Variants in XIRP2 observed in about 807,000 individuals in gnomAD.
The protein encoded by XIRP2 is xin actin-binding repeat-containing protein 2.
In XIRP2, 236 loss-of-function variants were observed where a neutral mutation model predicts 277.0. The ratio of observed to expected loss-of-function variants is 0.85; its 90% CI spans 0.77 to 0.95. The LOEUF (loss-of-function observed/expected upper bound fraction) is 0.95, where lower values mean the gene tolerates loss of function less well. Among genes scored for constraint, XIRP2 ranks in the 40% least tolerant of loss-of-function variants. XIRP2 has a pLI of 0.00. For synonymous variants in XIRP2, 1,490 were observed against 1,416.5 expected (o/e 1.05, Z -1.17); for missense variants, 4,640 against 4,157.5 (o/e 1.12, Z -3.19).
At chr2:167,041,412 A>G (rs540867635) in intron 2 of XIRP2, among the ~76,000 whole-genome samples, 2 of 152,302 alleles carry the variant, frequency 1.3e-5, no homozygotes, top group South Asian at 2.1e-4. Flanking sequence ...AACCCAATCC[A>G]TGAAACCTAA....
chr2:167,164,865 G>T (rs556071461), intron 3 of XIRP2, among the ~76,000 whole-genome samples: 1 of 152,032 alleles, frequency 6.6e-6, no homozygotes, highest in South Asian at 2.1e-4. Flanking sequence ...ACCTATGTCC[G>T]TAGATACTGT....
Position 167,025,158 on chromosome 2 carries a change from C to T in XIRP2, c.409-110751C>T, listed in dbSNP as rs1007043548. On this transcript the variant is annotated intron_variant, in intron 2 of 10. Transcript: ENST00000409195. The stretch of plus-strand genomic sequence containing the variant: ...CCTGTTATTGGTCTATTCAGAGATT[C>T]AACTTCTTCCTGGTTTAGTGTTGGG... Among the ~76,000 whole-genome samples the T allele has an allele frequency of 4.6e-5, 7 of 152,240 alleles. No homozygotes were observed. In the South Asian group the frequency reaches 6.2e-4, roughly 14 times the overall value.
At chr2:167,225,563 T>C (rs182076942) in intron 5 of XIRP2, among the ~76,000 whole-genome samples, 2 of 152,168 alleles carry the variant, frequency 1.3e-5, no homozygotes, top group East Asian at 1.9e-4. Flanking sequence ...TTGCTTTTTT[T>C]TCGACACAGG....
intron 2 of XIRP2, among the ~76,000 whole-genome samples, chr2:167,005,097 G>A (rs1362767439): frequency 6.6e-6 from 1 of 151,756 alleles, no homozygotes; most frequent in Non-Finnish European, 1.5e-5. Context: ...GTTCCATGGT[G>A]GGGGTTATCA....
chr2:167,087,486 G>A (rs557733224), intron 2 of XIRP2, among the ~76,000 whole-genome samples: 17 of 152,274 alleles, frequency 1.1e-4, no homozygotes, highest in East Asian at 7.7e-4. Flanking sequence ...CGAGCTTCCC[G>A]GCTGCTTTGT....
At chr2:167,083,760 A>T (rs1302639520) in intron 2 of XIRP2, among the ~76,000 whole-genome samples, 1 of 152,134 alleles carries the variant, frequency 6.6e-6, no homozygotes, top group Non-Finnish European at 1.5e-5. Flanking sequence ...TTGGTGTATA[A>T]GAATGCTTGT....
chr2:167,218,196 C>A lies in XIRP2; in HGVS notation c.754C>A (p.Pro252Thr). The A allele has an allele frequency of 1.2e-6, 2 of 1,605,440 alleles. No individual in the cohort carries two copies. Among genetic ancestry groups the A allele is most frequent in the South Asian group, 2.2e-5 (2 of 89,466 alleles). ...MMEESEMCAV[P>T]GGLAKVKKQF... ...GGAAGAATCAGAAATGTGCGCAGTG[C>A]CTGGTGGTTTGGCCAAGGTGAAGAA... The change falls in exon 5 of 11, where the codon CCT (proline) becomes ACT (threonine). Residue 252 changes from proline to threonine, a missense_variant. Physicochemically the swap from Pro to Thr is conservative, Grantham distance 38 (BLOSUM62 -1). Transcript: ENST00000409195.
chr2:166,953,496 A>G (rs191550240), intron 2 of XIRP2, among the ~76,000 whole-genome samples: 1 of 151,962 alleles, frequency 6.6e-6, no homozygotes, highest in East Asian at 1.9e-4. Flanking sequence ...AAGCAGCATG[A>G]GAACAGACTA....
intron 3 of XIRP2, chr2:167,140,701 T>A (rs1352140848): frequency 1.3e-5 from 2 of 152,216 alleles, no homozygotes; most frequent in African/African-American, 2.4e-5. Flanking sequence ...GGAAAAATAT[T>A]GTCAGTGGAT....
At chr2:167,042,100 A>G (rs939390833) in intron 2 of XIRP2, among the ~76,000 whole-genome samples, 2 of 152,204 alleles carry the variant, frequency 1.3e-5, no homozygotes, top group Non-Finnish European at 2.9e-5. Context: ...AAGTTTCATA[A>G]GCAAAGGAGA....
At chr2:167,214,297 GAGGA>G (rs559361394) in intron 4 of XIRP2, among the ~76,000 whole-genome samples, 141 of 87,210 alleles carry the variant, frequency 1.6e-3, no homozygotes, top group Middle Eastern at 8.3e-3. Flanking sequence ...GGGAGGGAGG[GAGGA>G]AGGAAGGAAG....
At chr2:166,907,505 G>A (rs1684554700) in intron 2 of XIRP2, among the ~76,000 whole-genome samples, 2 of 152,114 alleles carry the variant, frequency 1.3e-5, no homozygotes, top group African/African-American at 2.4e-5. Flanking sequence ...CAGCTGCAAA[G>A]TCAGCGGGAA....
intron 5 of XIRP2, among the ~76,000 whole-genome samples, chr2:167,229,074 A>C (rs1694684750): frequency 1.3e-5 from 2 of 152,186 alleles, no homozygotes. Context: ...AAAAGGTCAC[A>C]GCAAGAGTTT....
intron 4 of XIRP2, among the ~76,000 whole-genome samples, chr2:167,213,778 T>C (rs1224244957): frequency 6.6e-6 from 1 of 152,140 alleles, no homozygotes; most frequent in Non-Finnish European, 1.5e-5. Flanking sequence ...CCATCTCACA[T>C]GTGTAAACTT....
chr2:167,101,092 T>A (rs1007304320), intron 2 of XIRP2, among the ~76,000 whole-genome samples: 5 of 152,166 alleles, frequency 3.3e-5, no homozygotes, highest in African/African-American at 1.2e-4. Flanking sequence ...CCTTACTCAT[T>A]TTCTCCCTGT....
rs567113793 is a variant in XIRP2, at chr2:166,910,699, G to C, written c.408+6809G>C. On this transcript the variant is annotated intron_variant, in intron 2 of 10. Coordinates refer to ENST00000409195, the MANE Select transcript of XIRP2 (RefSeq NM_152381.6). ...TTCCTTCTCTAGTTCTTTCAATTGT[G>C]ATGTTAGGGTGTCAACTTTAGATTT... is the stretch of plus-strand genomic sequence containing the variant. Among the ~76,000 whole-genome samples, 10 of 152,220 alleles carry C rather than the reference G, an allele frequency of 6.6e-5. No individual in the cohort carries two copies. The South Asian group carries it at 2.1e-3, about 32-fold the overall frequency.
chr2:167,224,854 T>C (rs1268776635), intron 5 of XIRP2, among the ~76,000 whole-genome samples: 2 of 152,196 alleles, frequency 1.3e-5, no homozygotes, highest in Non-Finnish European at 2.9e-5. Context: ...CTTGGCTTTC[T>C]TTTCTGTTCT....
At chr2:166,895,644 A>T (rs1272380877) in intron 1 of XIRP2, among the ~76,000 whole-genome samples, 1 of 152,186 alleles carries the variant, frequency 6.6e-6, no homozygotes, top group Non-Finnish European at 1.5e-5. Flanking sequence ...TTTCAGCTGA[A>T]TCTTTTTAAA....
Position 167,186,473 on chromosome 2 carries a change from G to A in XIRP2, c.563-24262G>A, listed in dbSNP as rs181944426. ...TTTCCTTTCTTTATTTGAGTTTGTC[G>A]TTAGGCCACACCACATTAGGAAAAT... On this transcript the variant is annotated intron_variant, in intron 3 of 10. Coordinates refer to ENST00000409195, the MANE Select transcript of XIRP2 (RefSeq NM_152381.6). Among the ~76,000 whole-genome samples, 235 of 152,206 alleles carry A rather than the reference G, an allele frequency of 1.5e-3. 2 individuals carry two copies. The highest frequency in any genetic ancestry group is 4.5e-3 in the African/African-American group (188 of 41,524).
Sources: gnomAD v4.1 joint callset for allele counts (sites outside exome capture counted in the v4.1 genomes callset) on GRCh38, gnomAD v4.1.1 for gene constraint, MANE v1.5 for transcripts, NCBI Gene and HGNC (gene_info 2026-07-23, HGNC 2026-07-21) for gene names.